DSCAML1: variants seen among roughly 807,000 people sequenced by gnomAD.
DSCAML1 encodes the protein DS cell adhesion molecule like 1, also known as cell adhesion molecule DSCAML1.
Under a neutral mutation model 200.5 loss-of-function variants are expected in DSCAML1, and 38 were observed. The observed-to-expected ratio is 0.19, with a 90% CI of 0.15 to 0.25. The LOEUF (loss-of-function observed/expected upper bound fraction) is 0.25. Among genes scored for constraint, DSCAML1 ranks in the 10% least tolerant of loss-of-function variants. The pLI, the probability that DSCAML1 is intolerant of heterozygous loss-of-function variation, is 1.00. For missense variants in DSCAML1, 2,223 were observed against 2,858.8 expected (o/e 0.78, Z 5.07); for synonymous variants, 1,215 against 1,165.0 (o/e 1.04, Z -0.87).
At chr11:117,716,796 G>A (rs1242154533) in intron 3 of DSCAML1, among the ~76,000 whole-genome samples, 1 of 152,148 alleles carries the variant, frequency 6.6e-6, no homozygotes, top group Non-Finnish European at 1.5e-5. Context: ...CATAAATAGA[G>A]TGTTTTTGGA....
At chr11:117,477,411 T>C (rs2048820319) in intron 14 of DSCAML1, among the ~76,000 whole-genome samples, 1 of 150,206 alleles carries the variant, frequency 6.7e-6, no homozygotes, top group Non-Finnish European at 1.5e-5. Flanking sequence ...TGTATGTGTA[T>C]ATTCTCACTC....
intron 19 of DSCAML1, among the ~76,000 whole-genome samples, chr11:117,452,508 CT>C (rs1225031456): frequency 2.6e-5 from 4 of 152,138 alleles, no homozygotes; most frequent in African/African-American, 9.7e-5. Context: ...TAGACATCTC[CT>C]GTAAACAGTA....
chr11:117,494,829 G>C (rs1475851801), intron 11 of DSCAML1, among the ~76,000 whole-genome samples: 1 of 152,166 alleles, frequency 6.6e-6, no homozygotes, highest in Non-Finnish European at 1.5e-5. Flanking sequence ...TGGTGATGGA[G>C]GCAGAGACTG....
At chr11:117,593,613 G>A (rs1452870039) in intron 3 of DSCAML1, among the ~76,000 whole-genome samples, 1 of 152,206 alleles carries the variant, frequency 6.6e-6, no homozygotes, top group Non-Finnish European at 1.5e-5. Flanking sequence ...TGGGGCCCTG[G>A]CACAAGCCAA....
At chr11:117,530,298 GA>G (rs2050051775) in intron 4 of DSCAML1, among the ~76,000 whole-genome samples, 2 of 152,182 alleles carry the variant, frequency 1.3e-5, no homozygotes, top group Admixed American at 1.3e-4. Context: ...GAGACTAGAG[GA>G]TGAAGGGGCC....
At chr11:117,673,696 G>C (rs568802929) in intron 3 of DSCAML1, among the ~76,000 whole-genome samples, 30 of 152,366 alleles carry the variant, frequency 2.0e-4, no homozygotes, top group Admixed American at 2.0e-3. Context: ...TCACCACTGG[G>C]TTGAGGAGGT....
At chr11:117,719,549 C>G (rs1369967443) in intron 3 of DSCAML1, among the ~76,000 whole-genome samples, 2 of 152,236 alleles carry the variant, frequency 1.3e-5, no homozygotes, top group African/African-American at 4.8e-5. Flanking sequence ...ACACTTAACT[C>G]TAATTCTCTA....
chr11:117,763,321 G>A (rs1409218853), intron 3 of DSCAML1, among the ~76,000 whole-genome samples: 3 of 151,984 alleles, frequency 2.0e-5, no homozygotes, highest in Non-Finnish European at 2.9e-5. Flanking sequence ...ATCTGCAGTC[G>A]TTAAAGCTCC....
chr11:117,431,870 C>G (rs981182593), intron 30 of DSCAML1, 142 bp from the exon 31 acceptor site: 8 of 749,692 alleles, frequency 1.1e-5, no homozygotes, highest in African/African-American at 1.8e-5. Context: ...TGCTGCCTTT[C>G]CTAACCACAT....
intron 3 of DSCAML1, among the ~76,000 whole-genome samples, chr11:117,636,080 T>C (rs2052276168): frequency 6.6e-6 from 1 of 152,200 alleles, no homozygotes; most frequent in African/African-American, 2.4e-5. Context: ...CCGACCATCC[T>C]GCTGTGCTCC....
chr11:117,481,591 G>A (rs1481017405), intron 12 of DSCAML1, among the ~76,000 whole-genome samples: 1 of 125,940 alleles, frequency 7.9e-6, no homozygotes, highest in Non-Finnish European at 1.7e-5. Context: ...GCTGAGGGGG[G>A]GGTCCAGGAG....
chr11:117,614,574 A>G (rs2051770408), intron 3 of DSCAML1, among the ~76,000 whole-genome samples: 1 of 152,148 alleles, frequency 6.6e-6, no homozygotes, highest in African/African-American at 2.4e-5. Context: ...TGATTCTTTA[A>G]AACAACCTTA....
intron 19 of DSCAML1, among the ~76,000 whole-genome samples, chr11:117,453,749 T>TCTTTCTTTC (rs367920807): frequency 7.1e-6 from 1 of 140,406 alleles, no homozygotes; most frequent in Non-Finnish European, 1.6e-5. Flanking sequence ...TTTCTTTCTT[T>TCTTTCTTTC]TTTTTTTTTT....
chr11:117,434,386 T>C (rs1258541617), intron 27 of DSCAML1, among the ~76,000 whole-genome samples: 1 of 152,160 alleles, frequency 6.6e-6, no homozygotes, highest in East Asian at 1.9e-4. Flanking sequence ...ATCATTCTTA[T>C]ATTTATATGT....
chr11:117,432,890 C>A (rs2047831539), intron 29 of DSCAML1, among the ~76,000 whole-genome samples: 1 of 152,026 alleles, frequency 6.6e-6, no homozygotes, highest in African/African-American at 2.4e-5. Context: ...GGATAACAGG[C>A]ATGACCCACC....
chr11:117,581,788 G>T (rs1196972573), intron 3 of DSCAML1, among the ~76,000 whole-genome samples: 1 of 152,170 alleles, frequency 6.6e-6, no homozygotes, highest in Non-Finnish European at 1.5e-5. Context: ...ATGAAGCCAC[G>T]ATTTAAGCTC....
At chr11:117,778,482 T>C (rs2055172815) in intron 2 of DSCAML1, among the ~76,000 whole-genome samples, 1 of 152,082 alleles carries the variant, frequency 6.6e-6, no homozygotes, top group Admixed American at 6.5e-5. Context: ...TGGACAAGGG[T>C]TGGTTAACCT....
At chr11:117,554,890 C>T (rs749967052) in intron 3 of DSCAML1, among the ~76,000 whole-genome samples, 8 of 152,164 alleles carry the variant, frequency 5.3e-5, no homozygotes, top group Middle Eastern at 3.2e-3. Flanking sequence ...GGAGGGTTTT[C>T]GTTACATACA....
chr11:117,802,575 A>G (rs924997615), intron 1 of DSCAML1, among the ~76,000 whole-genome samples: 1 of 152,186 alleles, frequency 6.6e-6, no homozygotes, highest in African/African-American at 2.4e-5. Flanking sequence ...ACTAGGATCA[A>G]AGCCTTAAGC....
Sources: gnomAD v4.1 joint callset for allele counts (sites outside exome capture counted in the v4.1 genomes callset) on GRCh38, gnomAD v4.1.1 for gene constraint, MANE v1.5 for transcripts, NCBI Gene and HGNC (gene_info 2026-07-23, HGNC 2026-07-21) for gene names.